The following GLDN variants were observed in gnomAD, a reference collection of about 807,000 sequenced individuals.
The protein encoded by GLDN is collomin.
A neutral mutation model predicts 56.5 loss-of-function variants in GLDN; 47 were observed. The observed-to-expected ratio is 0.83, with a 90% CI of 0.66 to 1.06. The LOEUF is 1.06. Among genes scored for constraint, GLDN ranks in the 50% least tolerant of loss-of-function variants. GLDN has a pLI of 0.00. For missense variants in GLDN, 782 were observed against 714.3 expected, an observed-to-expected ratio of 1.09 and a Z score of -1.08; for synonymous variants, 332 against 278.8, an observed-to-expected ratio of 1.19 and a Z score of -1.90.
intron 6 of GLDN, among the ~76,000 whole-genome samples, chr15:51,399,182 C>T (rs1247349066): frequency 6.6e-6 from 1 of 152,158 alleles, no homozygotes; most frequent in Admixed American, 6.5e-5. Context: ...AGATCCCCGA[C>T]ACCACTCTCA....
chr15:51,400,471 C>A lies in GLDN; in HGVS notation c.1000C>A (p.Arg334=), dbSNP rs189782108. The A allele has an allele frequency of 3.7e-6, 6 of 1,614,080 alleles. No individual in the cohort carries two copies. Among genetic ancestry groups the A allele is most frequent in the Admixed American group, 1.7e-5 (1 of 60,022 alleles). ...IRESANKSDD[R]IWVTEHFSGI... is the part of the protein sequence containing the mutation. ...AGAGTCTGCTAACAAGAGTGATGACCGGATTTGGGTGACAGAGCATTTTTC... is the reference window on the plus strand; with the variant it reads ...AGAGTCTGCTAACAAGAGTGATGACAGGATTTGGGTGACAGAGCATTTTTC... Residue 334 remains arginine (R), a synonymous_variant, in exon 8 of 10, where the codon CGG becomes AGG. Transcript: ENST00000335449.
intron 4 of GLDN, among the ~76,000 whole-genome samples, chr15:51,386,328 C>T (rs940908951): frequency 5.3e-5 from 8 of 152,118 alleles, no homozygotes; most frequent in African/African-American, 1.7e-4. Flanking sequence ...TCGATGGGAT[C>T]GCTCACTTCA....
At chr15:51,402,260 G>A (rs1421301886) in intron 9 of GLDN, among the ~76,000 whole-genome samples, 1 of 152,234 alleles carries the variant, frequency 6.6e-6, no homozygotes, top group Non-Finnish European at 1.5e-5. Context: ...CATAGGGAAG[G>A]GAGGAGGGTC....
In GLDN at chr15:51,404,837, C is replaced by T. The variant is rs138167670; in HGVS notation, c.*83C>T. 101 of 720,610 alleles carry T rather than the reference C, an allele frequency of 1.4e-4. No individual in the cohort carries two copies. The East Asian group carries it at 2.4e-3, about 17-fold the overall frequency. The allele number at this position is 720,610 out of a possible 1,614,324, so 44.6% of individuals were successfully genotyped here. ...CCCAACAGGAAACTTGTTTTTTTAA[C>T]GTCAGCCAGATATTTAGAAAATAAC... On this transcript the variant is annotated 3_prime_UTR_variant, in exon 10 of 10. Coordinates refer to ENST00000335449, the MANE Select transcript of GLDN (RefSeq NM_181789.4).
intron 4 of GLDN, among the ~76,000 whole-genome samples, chr15:51,389,834 T>C (rs797009759): frequency 2.0e-5 from 3 of 152,142 alleles, no homozygotes; most frequent in South Asian, 2.1e-4. Flanking sequence ...CCTGGCTAGA[T>C]TGGGCTAGGA....
intron 4 of GLDN, among the ~76,000 whole-genome samples, chr15:51,390,602 T>A (rs1181856219): frequency 6.6e-6 from 1 of 152,134 alleles, no homozygotes; most frequent in Non-Finnish European, 1.5e-5. Context: ...GGACTGGGTT[T>A]TGTGTGACAC....
chr15:51,380,798 A>C (rs979008922), intron 2 of GLDN, among the ~76,000 whole-genome samples: 2 of 152,078 alleles, frequency 1.3e-5, no homozygotes, highest in African/African-American at 4.8e-5. Flanking sequence ...ATTCTAGCCT[A>C]GACTTTTTAC....
chr15:51,378,936 G>A (rs1040741377), intron 2 of GLDN, among the ~76,000 whole-genome samples: 1 of 152,194 alleles, frequency 6.6e-6, no homozygotes, highest in Non-Finnish European at 1.5e-5. Flanking sequence ...ATGCCTGGCA[G>A]GAAGATGTGC....
chr15:51,369,604 C>T (rs1227510111), intron 1 of GLDN, among the ~76,000 whole-genome samples: 2 of 152,206 alleles, frequency 1.3e-5, no homozygotes. Flanking sequence ...TGTGAGGTTT[C>T]GAGTTCCAAT....
intron 1 of GLDN, among the ~76,000 whole-genome samples, chr15:51,362,282 C>G (rs542685318): frequency 6.6e-6 from 1 of 151,956 alleles, no homozygotes; most frequent in African/African-American, 2.4e-5. Flanking sequence ...GTCAGGAGTT[C>G]GAGACCAGAC....
At chr15:51,409,007 C>T (rs16953066), downstream of GLDN, among the ~76,000 whole-genome samples, 4,111 of 149,544 alleles carry the variant, frequency 0.027, 159 homozygotes, top group African/African-American at 0.086. Flanking sequence ...TGCTTATTCA[C>T]ATGGTGTCCC....
intron 1 of GLDN, among the ~76,000 whole-genome samples, chr15:51,377,102 A>C (rs1306425403): frequency 6.6e-6 from 1 of 152,218 alleles, no homozygotes; most frequent in African/African-American, 2.4e-5. Flanking sequence ...ATTATGTACT[A>C]TACATAATTG....
intron 1 of GLDN, among the ~76,000 whole-genome samples, chr15:51,347,266 A>T (rs1382801940): frequency 6.6e-6 from 1 of 152,194 alleles, no homozygotes; most frequent in Non-Finnish European, 1.5e-5. Flanking sequence ...ATGGGAAAAG[A>T]TCTCTTCATT....
intron 3 of GLDN, 83 bp from the exon 4 acceptor site, chr15:51,383,702 T>A: frequency 8.9e-7 from 1 of 1,117,720 alleles, no homozygotes; most frequent in East Asian, 2.4e-5. Context: ...TCAGTTTCAC[T>A]GGTAAAGGAA....
At chr15:51,381,462 G>A (rs1231647123) in intron 2 of GLDN, among the ~76,000 whole-genome samples, 1 of 152,296 alleles carries the variant, frequency 6.6e-6, no homozygotes. Flanking sequence ...TGACCCTAGA[G>A]AATGTGGTAC....
At chr15:51,408,417 A>G (rs1486637334), downstream of GLDN, among the ~76,000 whole-genome samples, 2 of 152,222 alleles carry the variant, frequency 1.3e-5, no homozygotes, top group African/African-American at 4.8e-5. Flanking sequence ...AAAAAGTAAT[A>G]GTATTTACTT....
At chr15:51,366,230 G>A (rs1370928820) in intron 1 of GLDN, among the ~76,000 whole-genome samples, 1 of 152,220 alleles carries the variant, frequency 6.6e-6, no homozygotes, top group Non-Finnish European at 1.5e-5. Context: ...CCACCTTTGG[G>A]AGTGGCTCAG....
intron 1 of GLDN, among the ~76,000 whole-genome samples, chr15:51,370,763 G>A (rs1326132640): frequency 1.3e-5 from 2 of 152,120 alleles, no homozygotes; most frequent in Non-Finnish European, 2.9e-5. Flanking sequence ...AGGCTGAGGT[G>A]GGCAGATCAC....
chr15:51,408,916 T>A (rs1246533252), downstream of GLDN, among the ~76,000 whole-genome samples: 3 of 151,952 alleles, frequency 2.0e-5, no homozygotes, highest in African/African-American at 7.2e-5. Context: ...CACATTTTCT[T>A]AATCCAGTCT....
Sources: gnomAD v4.1 joint callset for allele counts (sites outside exome capture counted in the v4.1 genomes callset) on GRCh38, gnomAD v4.1.1 for gene constraint, MANE v1.5 for transcripts, NCBI Gene and HGNC (gene_info 2026-07-23, HGNC 2026-07-21) for gene names.